Variants in C4orf36 observed in about 807,000 individuals in gnomAD.
C4orf36 encodes chromosome 4 open reading frame 36.
Under a neutral mutation model 12.2 loss-of-function variants are expected in C4orf36, and 11 were observed. That is an observed-to-expected ratio of 0.90 (90% confidence interval 0.57 to 1.49). C4orf36 has a LOEUF of 1.49. C4orf36 is among the 40% of genes most tolerant of loss of function. The pLI is 0.00. For missense variants in C4orf36, 137 were observed against 133.9 expected (o/e 1.02, Z -0.11); for synonymous variants, 54 against 51.3 (o/e 1.05, Z -0.22).
At position 86,891,344 on chromosome 4, in the gene C4orf36, A is replaced by G. The variant is rs1747405324; in HGVS notation, c.65+112T>C. On this transcript the variant is annotated intron_variant, in intron 2 of 4. Transcript: ENST00000295898. ...TCCCAGACACCTCAAAATACTTCAC[A>G]TAGCCCAGTATCTCATGGGGAGCAC... The G allele has an allele frequency of 6.5e-6, 6 of 922,774 alleles. No individual in the cohort carries two copies. The South Asian group carries it at 1.0e-4, about 16-fold the overall frequency. The allele number at this position is 922,774 out of a possible 1,614,324, so 57.2% of individuals were successfully genotyped here. A position where few individuals can be genotyped will look rare whatever the true frequency, so the allele number is the denominator to read the frequency against.
In C4orf36 at chr4:86,888,281, G is replaced by A. The variant is rs779079347; in HGVS notation, c.66-6C>T. ...CAATATCCCAAGGTTCCTGTCTGGG[G>A]CAAAAATTCATTAATCCATTCAATA... On this transcript the variant is annotated splice_region_variant and splice_polypyrimidine_tract_variant and intron_variant, in intron 2 of 4. Transcript: ENST00000295898. 15 of 1,611,002 alleles carry A rather than the reference G, an allele frequency of 9.3e-6. No homozygotes were observed. The highest frequency in any genetic ancestry group is 1.3e-5 in the Non-Finnish European group (15 of 1,178,416).
At chr4:86,891,355 T>A in intron 2 of C4orf36, 101 bp downstream of exon 2, 1 of 1,018,670 alleles carries the variant, frequency 9.8e-7, no homozygotes, top group South Asian at 1.4e-5. Flanking sequence ...TAGCCCAGTA[T>A]CTCATGGGGA....
Position 86,888,269 on chromosome 4 carries a change from T to C in C4orf36, c.72A>G (p.Glu24=). The C allele has an allele frequency of 1.9e-6, 3 of 1,613,002 alleles. No homozygotes were observed. The highest frequency in any genetic ancestry group is 2.5e-6 in the Non-Finnish European group (3 of 1,179,374). ...TTGCAAGCAATGCAATATCCCAAGG[T>C]TCCTGTCTGGGGCAAAAATTCATTA... ...ILRGSCYNVQ[E]PWDIALLAKT... The change falls in exon 3 of 5, where the codon GAA becomes GAG. Residue 24 remains glutamate, a synonymous_variant. Transcript: ENST00000295898.
chr4:86,892,265 G>A lies in C4orf36; in HGVS notation c.-156C>T. 2 of 985,884 alleles carry A rather than the reference G, an allele frequency of 2.0e-6. No individual in the cohort carries two copies. The highest frequency in any genetic ancestry group is 2.4e-6 in the Non-Finnish European group (2 of 830,308). The allele number at this position is 985,884 out of a possible 1,614,324, so 61.1% of individuals were successfully genotyped here. On this transcript the variant is annotated 5_prime_UTR_variant, in exon 1 of 5. Coordinates refer to ENST00000295898, the MANE Select transcript of C4orf36 (RefSeq NM_144645.4). ...GGGTGGCGGGTCCCCGCGAGCCGGC[G>A]CCGGCGGCCTGGTTACCCGGGCTCC...
At chr4:86,883,995 T>A (rs978396633) in intron 4 of C4orf36, among the ~76,000 whole-genome samples, 1 of 113,220 alleles carries the variant, frequency 8.8e-6, no homozygotes, top group Non-Finnish European at 2.1e-5. Flanking sequence ...CCAGCCTGGG[T>A]GGGAAAAAAA....
chr4:86,886,681 C>A (rs981476158), intron 4 of C4orf36: 1 of 152,136 alleles, frequency 6.6e-6, no homozygotes. Flanking sequence ...TAAACTAGTT[C>A]AACCATTGTG....
chr4:86,881,013 A>G (rs1747040230), intron 4 of C4orf36, among the ~76,000 whole-genome samples: 1 of 150,618 alleles, frequency 6.6e-6, no homozygotes, highest in South Asian at 2.1e-4. Context: ...AGCCTGGGCA[A>G]CAGAGTGAGA....
the C4orf36 span, among the ~76,000 whole-genome samples, chr4:86,912,789 T>C: frequency 6.6e-6 from 1 of 152,204 alleles, no homozygotes; most frequent in African/African-American, 2.4e-5. Context: ...TGAAAACATA[T>C]ATGTAAATGT....
At chr4:86,902,418 C>CAAAAAAAAAAAAAAAAAAAAAAAAAAAAA in the C4orf36 span, among the ~76,000 whole-genome samples, 1 of 58,960 alleles carries the variant, frequency 1.7e-5, no homozygotes, top group Non-Finnish European at 2.8e-5. Flanking sequence ...ATGAGACTCT[C>CAAAAAAAAAAAAAAAAAAAAAAAAAAAAA]AAAAAAAAAA....
At chr4:86,894,420 T>C (rs1293790956), upstream of C4orf36, among the ~76,000 whole-genome samples, 1 of 152,166 alleles carries the variant, frequency 6.6e-6, no homozygotes, top group African/African-American at 2.4e-5. Context: ...GGTGATTTTA[T>C]TTTAGAGATG....
the C4orf36 span, among the ~76,000 whole-genome samples, chr4:86,901,553 A>G: frequency 0.036 from 5,446 of 150,372 alleles, 309 homozygotes; most frequent in African/African-American, 0.13. Context: ...GACTACAGGC[A>G]CCCGCCACCG....
the C4orf36 span, chr4:86,925,874 CCT>C: frequency 7.0e-6 from 1 of 142,996 alleles, no homozygotes; most frequent in Middle Eastern, 3.6e-3. Flanking sequence ...CTTTTTTTTT[CCT>C]TTTTTTTTTT....
chr4:86,927,580 G>T, the C4orf36 span, among the ~76,000 whole-genome samples: 1 of 152,100 alleles, frequency 6.6e-6, no homozygotes, highest in South Asian at 2.1e-4. Flanking sequence ...GGATCATGAG[G>T]TCAGCATTTC....
chr4:86,936,120 G>A, the C4orf36 span: 1 of 152,242 alleles, frequency 6.6e-6, no homozygotes, highest in African/African-American at 2.4e-5. Flanking sequence ...ATCATCCCGG[G>A]AAGGCACTTG....
chr4:86,883,985 C>T (rs915797058), intron 4 of C4orf36, among the ~76,000 whole-genome samples: 1 of 132,338 alleles, frequency 7.6e-6, no homozygotes, highest in Non-Finnish European at 1.7e-5. Context: ...AACTTCCACT[C>T]CAGCCTGGGT....
upstream of C4orf36, among the ~76,000 whole-genome samples, chr4:86,893,170 G>C (rs1411422339): frequency 6.6e-6 from 1 of 152,214 alleles, no homozygotes; most frequent in Non-Finnish European, 1.5e-5. Flanking sequence ...AAATAGGTAA[G>C]AGCGATACTA....
At chr4:86,914,883 G>T in the C4orf36 span, 1 of 367,808 alleles carries the variant, frequency 2.7e-6, no homozygotes, top group South Asian at 2.2e-5. Flanking sequence ...TGGAGTGGAG[G>T]ATTCATGGAC....
the C4orf36 span, among the ~76,000 whole-genome samples, chr4:86,910,955 C>T: frequency 2.5e-3 from 377 of 151,566 alleles, 15 homozygotes; most frequent in East Asian, 0.069. Context: ...TGGTGGCTTG[C>T]ACCTGTAGTC....
At chr4:86,913,825 CTTTTTT>C in the C4orf36 span, 40 of 617,554 alleles carry the variant, frequency 6.5e-5, no homozygotes, top group South Asian at 1.5e-4. Flanking sequence ...TTTTCATCCA[CTTTTTT>C]TTTTTTTTTT....
Sources: allele counts gnomAD v4.1 joint callset (sites outside exome capture counted in the v4.1 genomes callset), GRCh38; gene constraint gnomAD v4.1.1; transcripts MANE v1.5; gene names NCBI Gene and HGNC (gene_info 2026-07-23, HGNC 2026-07-21).